The following ARF1 variants were observed in gnomAD, a reference collection of about 807,000 sequenced individuals.
The protein encoded by ARF1 is ARF GTPase 1.
Under a neutral mutation model 18.0 loss-of-function variants are expected in ARF1, and 1 was observed. The observed-to-expected ratio is 0.06, with a 90% CI of 0.02 to 0.26. ARF1 has a LOEUF of 0.26. ARF1 is among the 10% of genes least tolerant of loss of function. ARF1 has a pLI of 1.00. For missense variants in ARF1, 73 were observed against 247.2 expected (o/e 0.30, Z 4.73); for synonymous variants, 112 against 96.3 (o/e 1.16, Z -0.95).
chr1:228,086,306 G>C (rs1189335559), intron 1 of ARF1, among the ~76,000 whole-genome samples: 3 of 152,054 alleles, frequency 2.0e-5, no homozygotes, highest in African/African-American at 7.2e-5. Flanking sequence ...ATGAGGTCAG[G>C]AGATTGAGAC....
At chr1:228,087,941 G>A (rs1414331393) in intron 1 of ARF1, among the ~76,000 whole-genome samples, 1 of 152,206 alleles carries the variant, frequency 6.6e-6, no homozygotes, top group African/African-American at 2.4e-5. Context: ...GATGTGTACA[G>A]TTGATCTTCA....
chr1:228,089,400 A>G lies in ARF1; in HGVS notation c.-38+6635A>G, dbSNP rs2032502668. 6.6e-6 allele frequency among the ~76,000 whole-genome samples: 1 copy of G among 152,014 alleles called. No homozygotes were observed. ...GCATCCCCGTCTCTTTACATGTCTG[A>G]CTGACCAGAGTGGGGTGGGGTGGCA... On this transcript the variant is annotated intron_variant, in intron 1 of 4. Coordinates refer to ENST00000272102, the MANE Select transcript of ARF1 (RefSeq NM_001658.4). The surrounding 1 kb of genome is among the most constrained non-coding windows in gnomAD (Gnocchi z 4.1).
chr1:228,095,866 G>A (rs1005918915), intron 1 of ARF1, among the ~76,000 whole-genome samples: 14 of 152,078 alleles, frequency 9.2e-5, no homozygotes, highest in Admixed American at 3.9e-4. Context: ...AAACCTGGCC[G>A]TCCCCAAAAA....
chr1:228,095,160 C>T (rs905750140), intron 1 of ARF1, among the ~76,000 whole-genome samples: 4 of 151,992 alleles, frequency 2.6e-5, no homozygotes, highest in African/African-American at 9.7e-5. Context: ...CTCTCCTTGT[C>T]CTTTGTTAAA....
chr1:228,097,026 C>G lies in ARF1; in HGVS notation c.-37-52C>G. On this transcript the variant is annotated intron_variant, in intron 1 of 4. Transcript: ENST00000272102. This position sits in a 1 kb window ranked among gnomAD's most constrained non-coding sequence, Gnocchi z 8.1. ...CATCCCTGGGTGGGTGGGTTCTGAG[C>G]AACCACTGCTGGGCAGCACAGAACC... is the stretch of plus-strand genomic sequence containing the variant. 6.7e-7 allele frequency: 1 copy of G among 1,482,056 alleles called. No individual in the cohort carries two copies. The allele number at this position is 1,482,056 out of a possible 1,614,324, so 91.8% of individuals were successfully genotyped here.
In ARF1 at chr1:228,092,931, G is replaced by A. The variant is rs73092953; in HGVS notation, c.-37-4147G>A. 9.9e-3 allele frequency among the ~76,000 whole-genome samples: 1,508 copies of A among 152,306 alleles called. 30 individuals carry two copies. Among genetic ancestry groups the A allele is most frequent in the African/African-American group, 0.033 (1,389 of 41,562 alleles). On this transcript the variant is annotated intron_variant, in intron 1 of 4. Coordinates refer to ENST00000272102, the MANE Select transcript of ARF1 (RefSeq NM_001658.4). ...TGTAGCTGCCAGAGTTGACTGTCCC[G>A]TTCTTTGGTGTAATGCCTGAAGGCC...
Position 228,098,094 on chromosome 1 carries a change from C to T in ARF1, c.*81C>T. 1.3e-6 allele frequency: 2 copies of T among 1,508,164 alleles called. No individual in the cohort carries two copies. The highest frequency in any genetic ancestry group is 1.8e-6 in the Non-Finnish European group (2 of 1,118,904). 93.4% of individuals were successfully genotyped at this position (1,508,164 alleles called of 1,614,324 possible). ...AACGTGCGGCTCGTGGTGTGAGTGCCAGAAGCTGCCTCCGTGGTTTGGTCA... is the reference window on the plus strand; with the variant it reads ...AACGTGCGGCTCGTGGTGTGAGTGCTAGAAGCTGCCTCCGTGGTTTGGTCA... On this transcript the variant is annotated 3_prime_UTR_variant, in exon 5 of 5. Coordinates refer to ENST00000272102, the MANE Select transcript of ARF1 (RefSeq NM_001658.4).
At chr1:228,090,577 T>C (rs2032547005) in intron 1 of ARF1, 1 of 152,282 alleles carries the variant, frequency 6.6e-6, no homozygotes, top group Admixed American at 6.5e-5. Flanking sequence ...TTTTTGGTCT[T>C]GGTTTTCCCA....
chr1:228,090,885 C>G (rs2032556690), intron 1 of ARF1: 2 of 152,316 alleles, frequency 1.3e-5, no homozygotes, highest in African/African-American at 4.8e-5. Context: ...TGTGCACAGC[C>G]AGTGCAAGTC....
In ARF1 at chr1:228,089,074, G is replaced by A. The variant is rs879592252; in HGVS notation, c.-38+6309G>A. On this transcript the variant is annotated intron_variant, in intron 1 of 4. Coordinates refer to ENST00000272102, the MANE Select transcript of ARF1 (RefSeq NM_001658.4). The surrounding 1 kb of genome is among the most constrained non-coding windows in gnomAD (Gnocchi z 4.1). ...CTGGGGAACAGGAGGGAGGCTACTCGCATCACAGCGGAGAATGCCTGTTGG... is the reference window on the plus strand; with the variant it reads ...CTGGGGAACAGGAGGGAGGCTACTCACATCACAGCGGAGAATGCCTGTTGG... Among the ~76,000 whole-genome samples, 3 of 152,172 alleles carry A rather than the reference G, an allele frequency of 2.0e-5. No homozygotes were observed. Among genetic ancestry groups the A allele is most frequent in the African/African-American group, 2.4e-5 (1 of 41,434 alleles).
intron 1 of ARF1, among the ~76,000 whole-genome samples, chr1:228,088,708 G>C (rs1462528157): frequency 6.6e-6 from 1 of 152,160 alleles, no homozygotes; most frequent in African/African-American, 2.4e-5. Context: ...TGGTGTCAGT[G>C]CATGAGCAGC....
In ARF1 at chr1:228,084,517, CTG is replaced by C. The variant is rs2032332848; in HGVS notation, c.-38+1755_-38+1756del. ...GGACAACAGCTGAGTCACACAATGA[CTG>C]TGAGTGAAAAGCAAAAACTGGTTCT... is the stretch of plus-strand genomic sequence containing the variant. On this transcript the variant is annotated intron_variant, in intron 1 of 4. Transcript: ENST00000272102. Among the ~76,000 whole-genome samples the C allele has an allele frequency of 3.9e-5, 6 of 152,324 alleles. No individual in the cohort carries two copies. The South Asian group carries it at 1.2e-3, about 32-fold the overall frequency.
At chr1:228,091,864 T>G (rs2032585823) in intron 1 of ARF1, among the ~76,000 whole-genome samples, 2 of 152,102 alleles carry the variant, frequency 1.3e-5, no homozygotes, top group African/African-American at 4.8e-5. Context: ...CAGGTGAGAA[T>G]AAATGGCCAT....
intron 1 of ARF1, among the ~76,000 whole-genome samples, chr1:228,087,171 G>T (rs1319847053): frequency 6.6e-6 from 1 of 152,226 alleles, no homozygotes; most frequent in African/African-American, 2.4e-5. Context: ...GCTTCCAGTG[G>T]TAGCATGGCT....
chr1:228,096,783 G>C (rs1571844017), intron 1 of ARF1, among the ~76,000 whole-genome samples: 1 of 152,212 alleles, frequency 6.6e-6, no homozygotes, highest in South Asian at 2.1e-4. Context: ...CAGTCCTCAG[G>C]CAGCCAGCCT....
intron 1 of ARF1, among the ~76,000 whole-genome samples, chr1:228,084,795 G>A (rs1228368578): frequency 2.0e-5 from 3 of 152,356 alleles, no homozygotes; most frequent in Middle Eastern, 6.8e-3. Context: ...AAGTTCACAC[G>A]TGGAGTAGTA....
At chr1:228,087,497 C>T (rs1271684712) in intron 1 of ARF1, among the ~76,000 whole-genome samples, 1 of 152,194 alleles carries the variant, frequency 6.6e-6, no homozygotes, top group Non-Finnish European at 1.5e-5. Context: ...TAGCCAGGCA[C>T]TGTGGCTCAC....
In ARF1 at chr1:228,098,639, C is replaced by T. The variant is rs913841944; in HGVS notation, c.*626C>T. On this transcript the variant is annotated 3_prime_UTR_variant, in exon 5 of 5. Coordinates refer to ENST00000272102, the MANE Select transcript of ARF1 (RefSeq NM_001658.4). The stretch of plus-strand genomic sequence containing the variant: ...CTTGTCCTTGGGTCACCCTGCATTC[C>T]ATAGCCATGTGCTTGTCCCTGTGCT... 1 of 152,704 alleles carries T rather than the reference C, an allele frequency of 6.5e-6. No homozygotes were observed. The highest frequency in any genetic ancestry group is 1.9e-4 in the East Asian group (1 of 5,190). The allele number at this position is 152,704 out of a possible 1,614,324, so 9.5% of individuals were successfully genotyped here. A position where few individuals can be genotyped will look rare whatever the true frequency, so the allele number is the denominator to read the frequency against.
intron 1 of ARF1, chr1:228,083,336 C>T (rs948105215): frequency 9.8e-5 from 15 of 152,296 alleles, no homozygotes; most frequent in African/African-American, 3.6e-4. Context: ...TGCATCTTCG[C>T]CTCCCGACTC....
Sources: allele counts gnomAD v4.1 joint callset (sites outside exome capture counted in the v4.1 genomes callset), GRCh38; gene constraint gnomAD v4.1.1; non-coding constraint Gnocchi (gnomAD v3.1); transcripts MANE v1.5; gene names NCBI Gene and HGNC (gene_info 2026-07-23, HGNC 2026-07-21).